The following BMPR2 variants were observed in gnomAD, a reference collection of about 807,000 sequenced individuals.
BMPR2 encodes the protein bone morphogenetic protein receptor type-2.
BMPR2 carries 29 observed loss-of-function variants against 100.8 expected under a neutral mutation model. That is an observed-to-expected ratio of 0.29 (90% CI 0.21 to 0.39). The LOEUF (loss-of-function observed/expected upper bound fraction) is 0.39. BMPR2 is among the 10% of genes least tolerant of loss of function. The pLI, the probability that BMPR2 is intolerant of heterozygous loss-of-function variation, is 1.00. For missense variants in BMPR2, 1,011 were observed against 1,274.5 expected, an observed-to-expected ratio of 0.79 and a Z score of 3.15; for synonymous variants, 382 against 442.3, an observed-to-expected ratio of 0.86 and a Z score of 1.71.
chr2:202,556,455 A>G lies in BMPR2; in HGVS notation c.2790A>G (p.Ser930=). Residue 930 remains serine (S), a synonymous_variant, in exon 12 of 13, where the codon TCA becomes TCG. Transcript: ENST00000374580. The part of the protein sequence containing the change: ...VPSTAADPGP[S]KPRRAQRPNS... ...GCACAGCAGCAGATCCTGGGCCATC[A>G]AAGCCCAGAAGAGCACAGAGGCCTA... 6.2e-7 allele frequency: 1 copy of G among 1,614,226 alleles called. No individual in the cohort carries two copies. Among genetic ancestry groups the G allele is most frequent in the East Asian group, 2.2e-5 (1 of 44,888 alleles).
intron 1 of BMPR2, among the ~76,000 whole-genome samples, chr2:202,463,297 C>T (rs910363876): frequency 2.6e-5 from 4 of 152,106 alleles, no homozygotes; most frequent in Admixed American, 6.6e-5. Flanking sequence ...ACAGATTGAT[C>T]GGCTGACACT....
Position 202,389,491 on chromosome 2 carries a change from C to T in BMPR2, c.76+11941C>T, listed in dbSNP as rs1690501771. On this transcript the variant is annotated intron_variant, in intron 1 of 12. Transcript: ENST00000374580. ...GCAGTGAGACGAGATTGCGCCACTG[C>T]CCTCCAGCCTGGGCGACAGAGTAAG... Among the ~76,000 whole-genome samples, 5 of 148,414 alleles carry T rather than the reference C, an allele frequency of 3.4e-5. No homozygotes were observed. The Admixed American group carries it at 3.4e-4, about 10-fold the overall frequency.
intron 1 of BMPR2, among the ~76,000 whole-genome samples, chr2:202,421,187 G>A (rs776657147): frequency 1.3e-5 from 2 of 151,764 alleles, no homozygotes; most frequent in African/African-American, 2.4e-5. Flanking sequence ...GGAGGCGGAG[G>A]TTGCAGTGAG....
intron 3 of BMPR2, among the ~76,000 whole-genome samples, chr2:202,485,545 C>CTTTTTTTTTTTTTTTTGTT (rs1692757964): frequency 1.6e-5 from 1 of 64,010 alleles, no homozygotes; most frequent in Non-Finnish European, 2.7e-5. Context: ...TTGCCTTTAT[C>CTTTTTTTTTTTTTTTTGTT]TTTTTTTTTT....
At chr2:202,557,864 TAAAG>T (rs1688608775) in intron 12 of BMPR2, among the ~76,000 whole-genome samples, 1 of 152,178 alleles carries the variant, frequency 6.6e-6, no homozygotes, top group African/African-American at 2.4e-5. Flanking sequence ...AAAGTTGAAA[TAAAG>T]TAAATACAGT....
intron 3 of BMPR2, among the ~76,000 whole-genome samples, chr2:202,507,072 T>TAAAA (rs74622497): frequency 1.6e-5 from 2 of 121,588 alleles, no homozygotes; most frequent in African/African-American, 3.1e-5. Flanking sequence ...GACTCTGCCT[T>TAAAA]AAAAAAAAAA....
chr2:202,471,912 TTGTG>T (rs111523279), intron 3 of BMPR2, among the ~76,000 whole-genome samples: 9,004 of 147,810 alleles, frequency 0.061, 331 homozygotes, highest in Non-Finnish European at 0.074. Context: ...CAAAAAAAGA[TTGTG>T]TGTGTGTGTG....
In BMPR2 at chr2:202,562,292, TATG is replaced by T. The variant is rs1344750672; in HGVS notation, c.*2349_*2351del. ...CAACATTTTTTAATATTGGGAAAAT[TATG>T]ATAAAATGCTTTAAAAATTAATATG... On this transcript the variant is annotated 3_prime_UTR_variant, in exon 13 of 13. Coordinates refer to ENST00000374580, the MANE Select transcript of BMPR2 (RefSeq NM_001204.7). 1 of 152,584 alleles carries T rather than the reference TATG, an allele frequency of 6.6e-6. No individual in the cohort carries two copies. Among genetic ancestry groups the T allele is most frequent in the African/African-American group, 2.4e-5 (1 of 41,446 alleles). 9.5% of individuals were successfully genotyped at this position (152,584 alleles called of 1,614,324 possible).
intron 1 of BMPR2, among the ~76,000 whole-genome samples, chr2:202,384,560 C>CTT (rs60303842): frequency 0.21 from 1,084 of 5,076 alleles, 20 homozygotes; most frequent in Middle Eastern, 0.4. Context: ...TTCTTTCTTT[C>CTT]TTTCTTTCTT....
chr2:202,404,237 G>A (rs1338968165), intron 1 of BMPR2, among the ~76,000 whole-genome samples: 2 of 150,022 alleles, frequency 1.3e-5, no homozygotes, highest in African/African-American at 4.9e-5. Context: ...TGTCACCCAG[G>A]CTGGAGTACA....
chr2:202,513,586 T>C (rs1008169646), intron 3 of BMPR2, 133 bp from the exon 4 acceptor site: 1 of 627,956 alleles, frequency 1.6e-6, no homozygotes, highest in Middle Eastern at 4.4e-4. Flanking sequence ...ATTTTTTCTT[T>C]CATTTCCTTT....
chr2:202,479,876 C>G (rs1160317015), intron 3 of BMPR2, among the ~76,000 whole-genome samples: 1 of 151,980 alleles, frequency 6.6e-6, no homozygotes, highest in Non-Finnish European at 1.5e-5. Context: ...AGCATCTTTT[C>G]CTGTGCTTCT....
At chr2:202,515,878 C>T (rs538148566) in intron 5 of BMPR2, among the ~76,000 whole-genome samples, 9 of 151,762 alleles carry the variant, frequency 5.9e-5, no homozygotes, top group Non-Finnish European at 1.0e-4. Context: ...AGCAGGAATC[C>T]GTCTCAAAAA....
intron 3 of BMPR2, among the ~76,000 whole-genome samples, chr2:202,469,133 C>T (rs112238992): frequency 0.085 from 12,867 of 151,994 alleles, 723 homozygotes; most frequent in East Asian, 0.19. Flanking sequence ...CAGGTTCAAG[C>T]GATTCTCCTG....
chr2:202,404,193 TG>T (rs1329913657), intron 1 of BMPR2, among the ~76,000 whole-genome samples: 115 of 146,128 alleles, frequency 7.9e-4, no homozygotes, highest in African/African-American at 2.2e-3. Flanking sequence ...TTCTTTGGGT[TG>T]TTTTTTTTTT....
intron 1 of BMPR2, among the ~76,000 whole-genome samples, chr2:202,396,828 G>C (rs1057228601): frequency 6.6e-6 from 1 of 151,524 alleles, no homozygotes; most frequent in African/African-American, 2.4e-5. Context: ...TCGGAGTTTC[G>C]CTCTTCTTGC....
intron 1 of BMPR2, among the ~76,000 whole-genome samples, chr2:202,425,499 G>A (rs1691367117): frequency 6.6e-6 from 1 of 152,100 alleles, no homozygotes; most frequent in Non-Finnish European, 1.5e-5. Context: ...ACATTGAGTT[G>A]GGTTACAGTT....
At position 202,471,372 on chromosome 2, in the gene BMPR2, C is replaced by T. The variant is rs1692434075; in HGVS notation, c.418+3683C>T. 3.3e-5 allele frequency among the ~76,000 whole-genome samples: 5 copies of T among 152,114 alleles called. No individual in the cohort carries two copies. In the South Asian group the frequency reaches 1.0e-3, roughly 32 times the overall value. On this transcript the variant is annotated intron_variant, in intron 3 of 12. Coordinates refer to ENST00000374580, the MANE Select transcript of BMPR2 (RefSeq NM_001204.7). ...TCTAGGGGCAGTTTCAATGAGGAGC[C>T]AGGATATTTGCATGCCTTCCACATA...
chr2:202,555,211 A>T lies in BMPR2; in HGVS notation c.1587-41A>T, dbSNP rs191734106. ...AAATTTGGAGAGACAGTTTGTCATA[A>T]ATGTACGTTCTCAATGTGATACTTT... On this transcript the variant is annotated intron_variant, in intron 11 of 12. Transcript: ENST00000374580. 752 of 1,552,012 alleles carry T rather than the reference A, an allele frequency of 4.8e-4. 5 individuals carry two copies. The African/African-American group carries it at 9.1e-3, about 19-fold the overall frequency.
Sources: gnomAD v4.1 joint callset for allele counts (sites outside exome capture counted in the v4.1 genomes callset) on GRCh38, gnomAD v4.1.1 for gene constraint, MANE v1.5 for transcripts, NCBI Gene and HGNC (gene_info 2026-07-23, HGNC 2026-07-21) for gene names.